Variants in IPMK observed in about 807,000 individuals in gnomAD.
IPMK encodes the protein inositol 1,3,4,6-tetrakisphosphate 5-kinase.
Under a neutral mutation model 45.8 loss-of-function variants are expected in IPMK, and 17 were observed. The observed-to-expected ratio is 0.37, with a 90% confidence interval of 0.25 to 0.56. IPMK has a LOEUF of 0.56. Among genes scored for constraint, IPMK ranks in the 20% least tolerant of loss-of-function variants. The pLI is 0.79. For synonymous variants in IPMK, 180 were observed against 184.3 expected (o/e 0.98, Z 0.19); for missense variants, 399 against 498.0 (o/e 0.80, Z 1.89).
At chr10:58,237,673 C>A (rs1838634505) in intron 2 of IPMK, 56 bp downstream of exon 2, 6 of 1,292,830 alleles carry the variant, frequency 4.6e-6, no homozygotes, top group African/African-American at 1.5e-5. Flanking sequence ...TGAGTCACCA[C>A]CAGAAAACTC....
intron 4 of IPMK, among the ~76,000 whole-genome samples, chr10:58,214,724 G>C (rs892491393): frequency 1.1e-4 from 16 of 152,034 alleles, no homozygotes; most frequent in African/African-American, 3.9e-4. Flanking sequence ...ATGAATTTCA[G>C]AACTACCCAT....
intron 2 of IPMK, among the ~76,000 whole-genome samples, chr10:58,230,061 G>A (rs1010137038): frequency 2.0e-5 from 3 of 152,172 alleles, no homozygotes; most frequent in South Asian, 2.1e-4. Flanking sequence ...CATTGCTAGC[G>A]CAGCAGTCTG....
intron 1 of IPMK, among the ~76,000 whole-genome samples, chr10:58,251,446 T>C (rs1397611535): frequency 6.6e-6 from 1 of 150,930 alleles, no homozygotes; most frequent in Non-Finnish European, 1.5e-5. Flanking sequence ...TTGAAAAAAA[T>C]GTGTATTCTG....
At chr10:58,219,483 A>T (rs1466955582) in intron 3 of IPMK, among the ~76,000 whole-genome samples, 1 of 152,216 alleles carries the variant, frequency 6.6e-6, no homozygotes, top group African/African-American at 2.4e-5. Flanking sequence ...TTCTTTCCCT[A>T]GAAGAGAGTT....
At chr10:58,230,106 A>C (rs1838489573) in intron 2 of IPMK, among the ~76,000 whole-genome samples, 1 of 152,044 alleles carries the variant, frequency 6.6e-6, no homozygotes, top group South Asian at 2.1e-4. Flanking sequence ...TGGCTGGGGG[A>C]GGGGAATCCA....
intron 1 of IPMK, among the ~76,000 whole-genome samples, chr10:58,262,314 A>G (rs1839085244): frequency 6.6e-6 from 1 of 152,150 alleles, no homozygotes; most frequent in Admixed American, 6.5e-5. Context: ...TGGGTGTAGA[A>G]ATTCTGAAAA....
At chr10:58,221,485 A>G (rs1220021135) in intron 3 of IPMK, among the ~76,000 whole-genome samples, 1 of 152,244 alleles carries the variant, frequency 6.6e-6, no homozygotes, top group African/African-American at 2.4e-5. Flanking sequence ...AACATAAAAA[A>G]GATGACAGCA....
At chr10:58,202,897 A>G (rs1252545835) in intron 4 of IPMK, among the ~76,000 whole-genome samples, 1 of 152,232 alleles carries the variant, frequency 6.6e-6, no homozygotes, top group Non-Finnish European at 1.5e-5. Flanking sequence ...TGCTAATAAC[A>G]TTCCTTTTGC....
chr10:58,238,900 C>T (rs1564536101), intron 1 of IPMK, among the ~76,000 whole-genome samples: 1 of 151,652 alleles, frequency 6.6e-6, no homozygotes, highest in Non-Finnish European at 1.5e-5. Context: ...TGGCTCACAC[C>T]TGTAATTCCA....
intron 1 of IPMK, among the ~76,000 whole-genome samples, chr10:58,251,672 A>G (rs75594297): frequency 0.015 from 2,297 of 152,282 alleles, 57 homozygotes; most frequent in African/African-American, 0.053. Flanking sequence ...TGTTGAGTAC[A>G]TACACATTTA....
chr10:58,230,695 T>C (rs1336083339), intron 2 of IPMK, among the ~76,000 whole-genome samples: 1 of 152,000 alleles, frequency 6.6e-6, no homozygotes, highest in African/African-American at 2.4e-5. Flanking sequence ...AGACCAAAGG[T>C]AGATAAAACC....
At chr10:58,260,151 C>CA (rs1839040733) in intron 1 of IPMK, among the ~76,000 whole-genome samples, 1 of 152,062 alleles carries the variant, frequency 6.6e-6, no homozygotes, top group African/African-American at 2.4e-5. Context: ...ATATTCTTAC[C>CA]AAAAATGCAT....
intron 1 of IPMK, among the ~76,000 whole-genome samples, chr10:58,252,625 T>G (rs1181695514): frequency 6.7e-5 from 10 of 149,220 alleles, no homozygotes; most frequent in Non-Finnish European, 1.2e-4. Context: ...TTTTTTTTTT[T>G]TTTTTGAGAT....
chr10:58,260,651 T>G (rs1839050381), intron 1 of IPMK, among the ~76,000 whole-genome samples: 1 of 151,988 alleles, frequency 6.6e-6, no homozygotes, highest in Non-Finnish European at 1.5e-5. Context: ...TAAATTTAAA[T>G]TTTTTTCAAA....
intron 1 of IPMK, among the ~76,000 whole-genome samples, chr10:58,256,558 C>G (rs1265029524): frequency 1.3e-5 from 2 of 152,110 alleles, no homozygotes; most frequent in Non-Finnish European, 2.9e-5. Flanking sequence ...CCCTTCTGCC[C>G]TTGTAATCTT....
chr10:58,216,142 T>C lies in IPMK; in HGVS notation c.546+3A>G. 2 of 1,593,338 alleles carry C rather than the reference T, an allele frequency of 1.3e-6. No individual in the cohort carries two copies. The highest frequency in any genetic ancestry group is 1.7e-6 in the Non-Finnish European group (2 of 1,171,798). ...TGCATATTATACTAATAAGCACTCTTACCCTCATGCCAAGCACCAAGAACC... is the reference window on the plus strand; with the variant it reads ...TGCATATTATACTAATAAGCACTCTCACCCTCATGCCAAGCACCAAGAACC... On this transcript the variant is annotated splice_donor_region_variant and intron_variant, in intron 4 of 5. Transcript: ENST00000373935.
At chr10:58,211,919 A>AAAAAAAATAAAAAT (rs967150743) in intron 4 of IPMK, among the ~76,000 whole-genome samples, 6 of 148,186 alleles carry the variant, frequency 4.0e-5, no homozygotes, top group African/African-American at 1.6e-4. Flanking sequence ...AAAAAAAAAA[A>AAAAAAAATAAAAAT]AAAAAATTTG....
rs560705520 is a variant in IPMK at position 58,195,846 on chromosome 10, T to A, written c.*230A>T. ...ATGTTTAAGCCATGTACCACCACAT[T>A]CCCTGCTTAACATTCCTAAGTTTCT... On this transcript the variant is annotated 3_prime_UTR_variant, in exon 6 of 6. Transcript: ENST00000373935. 4.3e-6 allele frequency: 2 copies of A among 465,196 alleles called. No individual in the cohort carries two copies. The highest frequency in any genetic ancestry group is 7.4e-5 in the East Asian group (2 of 26,910). The allele number at this position is 465,196 out of a possible 1,614,324, so 28.8% of individuals were successfully genotyped here.
chr10:58,228,615 G>A (rs531632020), intron 2 of IPMK, among the ~76,000 whole-genome samples: 17 of 152,274 alleles, frequency 1.1e-4, no homozygotes, highest in African/African-American at 2.6e-4. Flanking sequence ...CTCACTGCAA[G>A]CTCTGCCTCC....
Sources: gnomAD v4.1 joint callset for allele counts (sites outside exome capture counted in the v4.1 genomes callset) on GRCh38, gnomAD v4.1.1 for gene constraint, MANE v1.5 for transcripts, NCBI Gene and HGNC (gene_info 2026-07-23, HGNC 2026-07-21) for gene names.